Variants in TPRG1 observed in about 807,000 individuals in gnomAD.
TPRG1 encodes the protein tumor protein p63-regulated gene 1 protein.
Under a neutral mutation model 29.3 loss-of-function variants are expected in TPRG1, and 29 were observed. The ratio of observed to expected loss-of-function variants is 0.99; its 90% CI spans 0.74 to 1.35. The LOEUF is 1.35. TPRG1 is among the 40% of genes most tolerant of loss of function. The pLI, the probability that TPRG1 is intolerant of heterozygous loss-of-function variation, is 0.00. For missense variants in TPRG1, 327 were observed against 335.0 expected, an observed-to-expected ratio of 0.98 and a Z score of 0.19; for synonymous variants, 130 against 116.8, an observed-to-expected ratio of 1.11 and a Z score of -0.73.
At chr3:189,287,384 G>GTTTC (rs1404306203) in intron 4 of TPRG1, among the ~76,000 whole-genome samples, 6 of 150,650 alleles carry the variant, frequency 4.0e-5, no homozygotes, top group South Asian at 4.2e-4. Flanking sequence ...CACAGTACCT[G>GTTTC]TTTCTTTCTT....
intron 4 of TPRG1, among the ~76,000 whole-genome samples, chr3:189,093,837 A>C (rs1718497760): frequency 3.9e-5 from 6 of 152,148 alleles, no homozygotes. Flanking sequence ...TACTTATAAA[A>C]TCTGCATCTT....
At chr3:189,145,890 G>A (rs1162933537) in intron 3 of TPRG1, among the ~76,000 whole-genome samples, 1 of 152,122 alleles carries the variant, frequency 6.6e-6, no homozygotes, top group Non-Finnish European at 1.5e-5. Context: ...ATCTGTGTGT[G>A]CTTGAGAAAT....
chr3:189,097,312 T>C (rs931816895), upstream of TPRG1, among the ~76,000 whole-genome samples: 1 of 152,252 alleles, frequency 6.6e-6, no homozygotes, highest in Non-Finnish European at 1.5e-5. Flanking sequence ...GTATTATTGA[T>C]TGTGCTCTTG....
intron 3 of TPRG1, among the ~76,000 whole-genome samples, chr3:189,221,045 G>A (rs1257339495): frequency 3.9e-5 from 6 of 152,138 alleles, no homozygotes; most frequent in African/African-American, 1.2e-4. Context: ...ACACACAAAT[G>A]TAAGGGTTTA....
At position 189,123,546 on chromosome 3, in the gene TPRG1, T is replaced by G. The variant is rs1271230424; in HGVS notation, c.-743-3511T>G. The G allele has an allele frequency of 2.0e-5, 3 of 152,196 alleles. No individual in the cohort carries two copies. In the East Asian group the frequency reaches 5.8e-4, roughly 29 times the overall value. 9.4% of individuals were successfully genotyped at this position (152,196 alleles called of 1,614,324 possible). A position where few individuals can be genotyped will look rare whatever the true frequency, so the allele number is the denominator to read the frequency against. On this transcript the variant is annotated intron_variant, in intron 1 of 6. Transcript: ENST00000412373. ...AAATTAAAATGCCTTAACAAAATGC[T>G]TTCTCTTCCTCTCTCCTCCCAACAA...
chr3:189,024,762 T>A (rs1713567540), intron 4 of TPRG1, among the ~76,000 whole-genome samples: 1 of 152,078 alleles, frequency 6.6e-6, no homozygotes, highest in South Asian at 2.1e-4. Context: ...TCCTGCCCAG[T>A]AATGAGGAAT....
chr3:189,214,852 G>A (rs1372222573), intron 2 of TPRG1, among the ~76,000 whole-genome samples: 1 of 152,094 alleles, frequency 6.6e-6, no homozygotes, highest in African/African-American at 2.4e-5. Flanking sequence ...TGAGGAGACT[G>A]AAAGAGTGTA....
intron 1 of TPRG1, among the ~76,000 whole-genome samples, chr3:189,124,371 G>A (rs553473758): frequency 6.6e-6 from 1 of 152,110 alleles, no homozygotes; most frequent in Non-Finnish European, 1.5e-5. Flanking sequence ...GTGATTTAAA[G>A]CAATGGCTTT....
At chr3:189,162,983 G>A (rs1727680110) in intron 5 of TPRG1, among the ~76,000 whole-genome samples, 1 of 152,076 alleles carries the variant, frequency 6.6e-6, no homozygotes, top group Admixed American at 6.5e-5. Flanking sequence ...TTAACATAGA[G>A]TTCTTAGGCT....
At chr3:189,027,669 G>A (rs1713733433) in intron 4 of TPRG1, among the ~76,000 whole-genome samples, 1 of 152,002 alleles carries the variant, frequency 6.6e-6, no homozygotes, top group African/African-American at 2.4e-5. Context: ...ATGGTATTTG[G>A]ACTCAGTTTG....
chr3:189,131,105 TTAG>T (rs1462298079), intron 2 of TPRG1, among the ~76,000 whole-genome samples: 1 of 152,198 alleles, frequency 6.6e-6, no homozygotes, highest in Non-Finnish European at 1.5e-5. Flanking sequence ...GGCAGCATAA[TTAG>T]TAATAATCTT....
chr3:189,310,328 A>ATTTT (rs11425320), intron 4 of TPRG1, 58 bp from the exon 5 acceptor site: 17 of 1,197,842 alleles, frequency 1.4e-5, no homozygotes, highest in African/African-American at 4.7e-5. Flanking sequence ...ATTACATTCT[A>ATTTT]TTTTTTTTTT....
intron 4 of TPRG1, among the ~76,000 whole-genome samples, chr3:189,055,682 T>A (rs1715624049): frequency 6.6e-6 from 1 of 152,098 alleles, no homozygotes; most frequent in African/African-American, 2.4e-5. Context: ...AGAACAGCCC[T>A]CCCAACAAAG....
At chr3:189,135,585 C>G (rs1410493918) in intron 3 of TPRG1, among the ~76,000 whole-genome samples, 2 of 152,320 alleles carry the variant, frequency 1.3e-5, no homozygotes, top group Middle Eastern at 3.4e-3. Context: ...TTCATGCCCC[C>G]CTGCTATATT....
At chr3:189,237,239 C>T (rs897996692) in intron 3 of TPRG1, among the ~76,000 whole-genome samples, 5 of 152,000 alleles carry the variant, frequency 3.3e-5, no homozygotes, top group Admixed American at 2.6e-4. Context: ...GAGTGAATAG[C>T]CCAACAGACA....
chr3:189,019,510 C>T (rs1240053561), intron 3 of TPRG1, among the ~76,000 whole-genome samples: 3 of 152,126 alleles, frequency 2.0e-5, no homozygotes, highest in Middle Eastern at 3.2e-3. Context: ...TTGTCTTTGG[C>T]TCTGTTTATA....
rs10576562 is a variant in TPRG1 at position 189,231,943 on chromosome 3, TTGTGTG to T, written c.303-6764_303-6759del. Among the ~76,000 whole-genome samples, 738 of 147,656 alleles carry T rather than the reference TTGTGTG, an allele frequency of 5.0e-3. 12 individuals carry two copies. The highest frequency in any genetic ancestry group is 0.024 in the South Asian group (111 of 4,684). ...AAATTTCAGAAGCTTCAAACCTGGTTTGTGTGTGTGTGTGTGTGTGTGTGTGTGTGT... is the reference window on the plus strand; with the variant it reads ...AAATTTCAGAAGCTTCAAACCTGGTTTGTGTGTGTGTGTGTGTGTGTGTGT... On this transcript the variant is annotated intron_variant, in intron 3 of 5. Coordinates refer to ENST00000345063, the MANE Select transcript of TPRG1 (RefSeq NM_198485.4).
At chr3:189,108,833 C>T (rs1364786905) in intron 1 of TPRG1, among the ~76,000 whole-genome samples, 1 of 151,958 alleles carries the variant, frequency 6.6e-6, no homozygotes, top group Non-Finnish European at 1.5e-5. Flanking sequence ...AACTTTTAAG[C>T]AGGTGAGGTG....
chr3:189,021,575 C>G (rs1713311682), intron 3 of TPRG1, among the ~76,000 whole-genome samples: 1 of 152,150 alleles, frequency 6.6e-6, no homozygotes, highest in Non-Finnish European at 1.5e-5. Context: ...TCTCTTCTGG[C>G]TTGTAGGGTT....
Sources: allele counts gnomAD v4.1 joint callset (sites outside exome capture counted in the v4.1 genomes callset), GRCh38; gene constraint gnomAD v4.1.1; transcripts MANE v1.5; gene names NCBI Gene and HGNC (gene_info 2026-07-23, HGNC 2026-07-21).